Variants in MXRA8 observed in about 807,000 individuals in gnomAD.
The protein encoded by MXRA8 is matrix remodeling associated 8, also known as matrix remodeling-associated protein 8.
In MXRA8, 44 loss-of-function variants were observed where a neutral mutation model predicts 51.4. The ratio of observed to expected loss-of-function variants is 0.86; its 90% confidence interval spans 0.67 to 1.10. MXRA8 has a LOEUF of 1.10. MXRA8 is among the 50% of genes least tolerant of loss of function. The pLI, the probability that MXRA8 is intolerant of heterozygous loss-of-function variation, is 0.00. For synonymous variants in MXRA8, 369 were observed against 293.5 expected, an observed-to-expected ratio of 1.26 and a Z score of -2.63; for missense variants, 765 against 638.9, an observed-to-expected ratio of 1.20 and a Z score of -2.13.
At position 1,355,136 on chromosome 1, in the gene MXRA8, GGCGGGGGTGGCCGGGGCT is replaced by G. The variant is rs763658805; in HGVS notation, c.479-2_494del. The G allele has an allele frequency of 5.5e-6, 8 of 1,448,926 alleles. No individual in the cohort carries two copies. Among genetic ancestry groups the G allele is most frequent in the Middle Eastern group, 2.2e-4 (1 of 4,624 alleles). 89.8% of individuals were successfully genotyped at this position (1,448,926 alleles called of 1,614,324 possible). Reference sequence around the variant, plus strand: ...GCACCTCCTTCTCGCCGTCCCAGTAGGCGGGGGTGGCCGGGGCTGCGGAGGGGGCGCGGTCAGCGGCGC... The same window carrying G: ...GCACCTCCTTCTCGCCGTCCCAGTAGGCGGAGGGGGCGCGGTCAGCGGCGC... On this transcript the variant is annotated splice_acceptor_variant and coding_sequence_variant, in exon 5 of 10. Transcript: ENST00000309212. LOFTEE classifies it high-confidence loss of function.
At chr1:1,353,998 G>A (rs753880393) in intron 8 of MXRA8, 32 bp downstream of exon 8, 104 of 1,610,774 alleles carry the variant, frequency 6.5e-5, no homozygotes, top group Non-Finnish European at 8.1e-5. Context: ...TGGGAGCCGC[G>A]CCTGTGCCCT....
In MXRA8 at chr1:1,355,028, A is replaced by G. The variant is rs147996767; in HGVS notation, c.603T>C (p.Ala201=). The change falls in exon 5 of 10, where the codon GCT becomes GCC. Residue 201 remains alanine (A), a synonymous_variant. Transcript: ENST00000309212. The part of the protein sequence containing the change: ...HVWTDRHVEE[A]QQVVHWDRQP... ...GCCGGTCCCAGTGCACCACCTGTTG[A>G]GCCTCCTCCACGTGCCGGTCGGTCC... is the stretch of plus-strand genomic sequence containing the variant. The G allele has an allele frequency of 0.013, 21,367 of 1,607,638 alleles. 2,513 individuals are homozygous for G. In the African/African-American group the frequency reaches 0.25, roughly 19 times the overall value.
At chr1:1,359,569 CT>C (rs1187059950), upstream of MXRA8, 22 of 985,344 alleles carry the variant, frequency 2.2e-5, 1 homozygote, top group Middle Eastern at 5.2e-4. Context: ...GGGCTCACCC[CT>C]GAACCCTGCT....
In MXRA8 at chr1:1,353,867, C is replaced by T. The variant is rs764484988; in HGVS notation, c.1284G>A (p.Lys428=). Residue 428 remains lysine (K), a synonymous_variant, in exon 9 of 10, where the codon AAG becomes AAA. Transcript: ENST00000309212. The part of the protein sequence containing the change: ...AELAHSPLPA[K]YIDLDKGFRK... ...GCTCACCTTTGTCTAGGTCGATGTA[C>T]TTGGCAGGCAGGGGGCTGTGGGCCA... 3 of 1,603,434 alleles carry T rather than the reference C, an allele frequency of 1.9e-6. No homozygotes were observed. Among genetic ancestry groups the T allele is most frequent in the East Asian group, 2.2e-5 (1 of 44,834 alleles).
chr1:1,353,911 G>T lies in MXRA8; in HGVS notation c.1240C>A (p.Leu414Met). The change falls in exon 9 of 10, where the codon CTG (leucine) becomes ATG (methionine). Residue 414 changes from leucine (L) to methionine (M), a missense_variant. Coordinates refer to ENST00000309212, the MANE Select transcript of MXRA8 (RefSeq NM_032348.4). Reference sequence around the variant, plus strand: ...TGGGCCAGCTCCGCCCTCTCCTTCAGGATGTTGTTTTTGTAATCTGTGGGA... The same window carrying T: ...TGGGCCAGCTCCGCCCTCTCCTTCATGATGTTGTTTTTGTAATCTGTGGGA... ...DIQLDYKNNI[L>M]KERAELAHSP... 6.2e-7 allele frequency: 1 copy of T among 1,609,952 alleles called. No homozygotes were observed.
rs778950072 is a variant in MXRA8 at position 1,353,842 on chromosome 1, G to C, written c.1303+6C>G. On this transcript the variant is annotated splice_donor_region_variant and intron_variant, in intron 9 of 9. Coordinates refer to ENST00000309212, the MANE Select transcript of MXRA8 (RefSeq NM_032348.4). Reference sequence around the variant, plus strand: ...GAGATGGGCTGAGGTCGCCCCCGCCGCTCACCTTTGTCTAGGTCGATGTAC... The same window carrying C: ...GAGATGGGCTGAGGTCGCCCCCGCCCCTCACCTTTGTCTAGGTCGATGTAC... The C allele has an allele frequency of 3.8e-6, 6 of 1,575,448 alleles. No individual in the cohort carries two copies. In the Admixed American group the frequency reaches 1.1e-4, roughly 28 times the overall value.
At chr1:1,361,011 CACAG>C (rs1644215462), upstream of MXRA8, among the ~76,000 whole-genome samples, 1 of 151,042 alleles carries the variant, frequency 6.6e-6, no homozygotes, top group Non-Finnish European at 1.5e-5. Flanking sequence ...CACGCGAAGA[CACAG>C]ACACATACAC....
rs1233296198 is a variant in MXRA8, at chr1:1,355,502, C to T, written c.324G>A (p.Leu108=). 3 of 1,510,024 alleles carry T rather than the reference C, an allele frequency of 2.0e-6. No individual in the cohort carries two copies. The highest frequency in any genetic ancestry group is 2.2e-5 in the Admixed American group (1 of 46,164). 93.5% of individuals were successfully genotyped at this position (1,510,024 alleles called of 1,614,324 possible). Residue 108 remains leucine (L), a synonymous_variant, in exon 3 of 10, where the codon CTG becomes CTA. Transcript: ENST00000309212. ...CGTCGAAGGCCGAGGCCGAGAGCTC[C>T]AGGCGGCCGCGGTCCCGCGCCTCGT... ...RVYEARDRGR[L]ELSASAFDDG...
At position 1,358,471 on chromosome 1, in the gene MXRA8, G is replaced by A; in HGVS notation, c.34C>T (p.Leu12Phe). Residue 12 changes from leucine to phenylalanine, a missense_variant, in exon 1 of 10, where the codon CTT becomes TTT. Coordinates refer to ENST00000309212, the MANE Select transcript of MXRA8 (RefSeq NM_032348.4). ...CCACACTCACTCTGCAGAAGCACAAGTTTCCAAAGCAGGATTCGGGATGGC... is the reference window on the plus strand; with the variant it reads ...CCACACTCACTCTGCAGAAGCACAAATTTCCAAAGCAGGATTCGGGATGGC... Reference protein sequence around the residue: ...ALPSRILLWKLVLLQSSAVLL... With the variant: ...ALPSRILLWKFVLLQSSAVLL... 6.2e-7 allele frequency: 1 copy of A among 1,612,750 alleles called. No homozygotes were observed. Among genetic ancestry groups the A allele is most frequent in the Non-Finnish European group, 8.5e-7 (1 of 1,179,380 alleles).
Position 1,355,581 on chromosome 1 carries a change from C to A in MXRA8, c.245G>T (p.Gly82Val). 2 of 1,477,896 alleles carry A rather than the reference C, an allele frequency of 1.4e-6. No homozygotes were observed. The highest frequency in any genetic ancestry group is 1.8e-6 in the Non-Finnish European group (2 of 1,121,794). 91.5% of individuals were successfully genotyped at this position (1,477,896 alleles called of 1,614,324 possible). ...GTCCAGCAGGCGCCGCGCGGGGCCA[C>A]CCCCGGGGCCGCGCAGGTCCCAGTG... ...VLHWDLRGPGGGPARRLLDLY... is the reference protein window; with the variant it reads ...VLHWDLRGPGVGPARRLLDLY... The change falls in exon 3 of 10, where the codon GGT becomes GTT. Residue 82 changes from glycine to valine, a missense_variant. Transcript: ENST00000309212.
At chr1:1,358,603 T>G, upstream of MXRA8, 1 of 1,498,906 alleles carries the variant, frequency 6.7e-7, no homozygotes, top group Non-Finnish European at 8.9e-7. Context: ...CGCGGTGACA[T>G]CACGGAGGCC....
chr1:1,363,384 C>T (rs949250355), upstream of MXRA8, among the ~76,000 whole-genome samples: 4 of 151,930 alleles, frequency 2.6e-5, no homozygotes, highest in African/African-American at 4.8e-5. Context: ...TGGCCTCAAG[C>T]GATCCTCGGC....
At chr1:1,361,127 A>G (rs1644217275), upstream of MXRA8, 1 of 697,106 alleles carries the variant, frequency 1.4e-6, no homozygotes, top group South Asian at 1.5e-5. Context: ...GCACATGAAG[A>G]CACACGGACA....
chr1:1,353,066 ATGG>A lies in MXRA8; in HGVS notation c.*535_*537del, dbSNP rs1249454577. ...GAACAGATGGTGCCTGGAGTCCCAC[ATGG>A]TGGTACAGGTGGGGGAGCTCTCGGT... On this transcript the variant is annotated 3_prime_UTR_variant, in exon 10 of 10. Coordinates refer to ENST00000309212, the MANE Select transcript of MXRA8 (RefSeq NM_032348.4). 1 of 610,694 alleles carries A rather than the reference ATGG, an allele frequency of 1.6e-6. No homozygotes were observed. The highest frequency in any genetic ancestry group is 1.9e-5 in the African/African-American group (1 of 53,472). The allele number at this position is 610,694 out of a possible 1,614,324, so 37.8% of individuals were successfully genotyped here.
intron 1 of MXRA8, among the ~76,000 whole-genome samples, chr1:1,357,365 C>T (rs1231316780): frequency 1.3e-5 from 2 of 152,194 alleles, no homozygotes; most frequent in Non-Finnish European, 1.5e-5. Flanking sequence ...TCCACCCAGA[C>T]GCCCGCCCTA....
Position 1,355,244 on chromosome 1 carries a change from G to A in MXRA8, c.478C>T (p.Pro160Ser), listed in dbSNP as rs762277113. 28 of 1,554,524 alleles carry A rather than the reference G, an allele frequency of 1.8e-5. No homozygotes were observed. In the South Asian group the frequency reaches 3.1e-4, roughly 17 times the overall value. The change falls in exon 4 of 10, where the codon CCC becomes TCC. Residue 160 changes from proline to serine, a missense_variant and splice_region_variant. Pro to Ser is a moderately conservative substitution (Grantham distance 74). Coordinates refer to ENST00000309212, the MANE Select transcript of MXRA8 (RefSeq NM_032348.4). ...LAVRLEVTDG[P>S]PATPAYWDGE... ...TGGGGGGCGGGGGGGAAGCACTCAC[G>A]GCCGTCGGTGACCTCCAGGCGGACG...
upstream of MXRA8, among the ~76,000 whole-genome samples, chr1:1,363,129 A>G (rs1288485885): frequency 1.3e-5 from 2 of 152,118 alleles, no homozygotes; most frequent in Non-Finnish European, 2.9e-5. Context: ...CTAAAAATAC[A>G]AAAATTATCC....
At chr1:1,360,031 C>CATGGAGGG (rs1181149156), upstream of MXRA8, among the ~76,000 whole-genome samples, 1 of 152,240 alleles carries the variant, frequency 6.6e-6, no homozygotes, top group Non-Finnish European at 1.5e-5. Flanking sequence ...CCTCTCTCCC[C>CATGGAGGG]ATGGAGGGAG....
Position 1,355,325 on chromosome 1 carries a change from C to T in MXRA8, c.397G>A (p.Gly133Arg). Residue 133 changes from glycine to arginine, a missense_variant, in exon 4 of 10, where the codon GGG (glycine) becomes AGG (arginine). Physicochemically the swap from Gly to Arg is moderately radical, Grantham distance 125. Transcript: ENST00000309212. ...TGGTGCAGGTTGCAGGTGTACAGCC[C>T]CGCGTCCGTCTCCTCCACCGCTGCG... ...LIRAVEETDA[G>R]LYTCNLHHHY... 6 of 1,577,588 alleles carry T rather than the reference C, an allele frequency of 3.8e-6. No individual in the cohort carries two copies. The highest frequency in any genetic ancestry group is 5.1e-6 in the Non-Finnish European group (6 of 1,165,528).
Sources: allele counts gnomAD v4.1 joint callset (sites outside exome capture counted in the v4.1 genomes callset), GRCh38; gene constraint gnomAD v4.1.1; transcripts MANE v1.5; gene names NCBI Gene and HGNC (gene_info 2026-07-23, HGNC 2026-07-21).